The following CHCHD3 variants were observed in gnomAD, a reference collection of about 807,000 sequenced individuals.
CHCHD3 encodes the protein MICOS complex subunit MIC19.
In CHCHD3, 20 loss-of-function variants were observed where a neutral mutation model predicts 38.2. The ratio of observed to expected loss-of-function variants is 0.52; its 90% CI spans 0.37 to 0.76. The LOEUF (loss-of-function observed/expected upper bound fraction) is 0.76. Among genes scored for constraint, CHCHD3 ranks in the 30% least tolerant of loss-of-function variants. The pLI is 0.00. For synonymous variants in CHCHD3, 82 were observed against 100.0 expected, an observed-to-expected ratio of 0.82 and a Z score of 1.07; for missense variants, 245 against 279.2, an observed-to-expected ratio of 0.88 and a Z score of 0.87.
chr7:132,860,862 G>A (rs1256711802), intron 5 of CHCHD3, among the ~76,000 whole-genome samples: 1 of 152,164 alleles, frequency 6.6e-6, no homozygotes, highest in Non-Finnish European at 1.5e-5. Context: ...GACCTCAAGT[G>A]ATCCACCCGC....
intron 4 of CHCHD3, among the ~76,000 whole-genome samples, chr7:132,921,653 AC>A (rs1810266684): frequency 1.3e-5 from 2 of 152,060 alleles, no homozygotes; most frequent in Admixed American, 6.6e-5. Context: ...AACAACAACA[AC>A]AACAAAACAC....
chr7:132,957,636 G>A lies in CHCHD3; in HGVS notation c.369+17533C>T, dbSNP rs182229392. Among the ~76,000 whole-genome samples the A allele has an allele frequency of 4.1e-3, 624 of 151,996 alleles. 2 individuals are homozygous for A. Among genetic ancestry groups the A allele is most frequent in the African/African-American group, 0.014 (583 of 41,450 alleles). On this transcript the variant is annotated intron_variant, in intron 4 of 7. Coordinates refer to ENST00000262570, the MANE Select transcript of CHCHD3 (RefSeq NM_017812.4). ...AGCTGGGATTACAGGCTGCGCCACC[G>A]CACCTGGCTAATTTTTGTATTTTTA...
At chr7:132,837,516 A>G (rs778159253) in intron 6 of CHCHD3, among the ~76,000 whole-genome samples, 1 of 152,208 alleles carries the variant, frequency 6.6e-6, no homozygotes, top group Non-Finnish European at 1.5e-5. Flanking sequence ...TTTTTAAAAA[A>G]TTTTATTTTA....
At chr7:132,887,418 C>T (rs555540082) in intron 4 of CHCHD3, among the ~76,000 whole-genome samples, 180 of 151,104 alleles carry the variant, frequency 1.2e-3, no homozygotes, top group Non-Finnish European at 1.7e-3. Context: ...TTAAATTCAA[C>T]ATAAAAACCC....
intron 4 of CHCHD3, among the ~76,000 whole-genome samples, chr7:132,966,082 T>C (rs983894065): frequency 7.9e-5 from 12 of 152,336 alleles, no homozygotes; most frequent in African/African-American, 2.9e-4. Flanking sequence ...CAATGTAGCT[T>C]ACCTCGAATT....
At chr7:132,808,318 C>T (rs536374432) in intron 6 of CHCHD3, among the ~76,000 whole-genome samples, 17 of 152,274 alleles carry the variant, frequency 1.1e-4, no homozygotes, top group Middle Eastern at 3.4e-3. Flanking sequence ...TCTCTCCCCA[C>T]CTGCTTTCCA....
At chr7:132,933,847 C>T (rs1585651748) in intron 4 of CHCHD3, among the ~76,000 whole-genome samples, 1 of 152,192 alleles carries the variant, frequency 6.6e-6, no homozygotes, top group South Asian at 2.1e-4. Context: ...GACACACATA[C>T]AGGACCAGAG....
intron 2 of CHCHD3, among the ~76,000 whole-genome samples, chr7:133,069,565 A>G (rs1025172160): frequency 6.6e-6 from 1 of 152,190 alleles, no homozygotes; most frequent in African/African-American, 2.4e-5. Flanking sequence ...GGATAAACAG[A>G]TGAGTGTGGC....
chr7:132,915,948 TA>T (rs11455993), intron 4 of CHCHD3, among the ~76,000 whole-genome samples: 7 of 150,558 alleles, frequency 4.6e-5, no homozygotes, highest in Admixed American at 6.6e-5. Context: ...AATTTTTTAA[TA>T]AAAAAATTTT....
chr7:132,931,793 G>A (rs755862631), intron 4 of CHCHD3, among the ~76,000 whole-genome samples: 1 of 152,090 alleles, frequency 6.6e-6, no homozygotes, highest in Non-Finnish European at 1.5e-5. Flanking sequence ...AGTTCTGTAG[G>A]AAGAATGGGT....
intron 5 of CHCHD3, among the ~76,000 whole-genome samples, chr7:132,847,068 C>A (rs998355796): frequency 6.6e-6 from 1 of 152,146 alleles, no homozygotes; most frequent in African/African-American, 2.4e-5. Flanking sequence ...TCCCTTGTAG[C>A]CACCCCGAGC....
chr7:133,060,465 T>G (rs9641946), intron 2 of CHCHD3, among the ~76,000 whole-genome samples: 70,387 of 151,998 alleles, frequency 0.46, 17,212 homozygotes, highest in African/African-American at 0.62. Flanking sequence ...TGGGTGTCAT[T>G]AAAAGTTTCC....
At chr7:132,833,008 A>T (rs187193631) in intron 6 of CHCHD3, among the ~76,000 whole-genome samples, 57 of 152,364 alleles carry the variant, frequency 3.7e-4, no homozygotes, top group African/African-American at 1.3e-3. Flanking sequence ...CTCCGATAGC[A>T]CATAGTTTCA....
At chr7:132,895,920 T>A (rs939248072) in intron 4 of CHCHD3, among the ~76,000 whole-genome samples, 4 of 152,246 alleles carry the variant, frequency 2.6e-5, no homozygotes, top group African/African-American at 7.2e-5. Context: ...CAGGTGAAAC[T>A]TTCTTGCAAA....
At chr7:132,884,839 G>GT (rs1473737728) in intron 5 of CHCHD3, among the ~76,000 whole-genome samples, 3 of 152,056 alleles carry the variant, frequency 2.0e-5, no homozygotes, top group African/African-American at 4.8e-5. Flanking sequence ...ACTTGACGCC[G>GT]TATCTCTTTT....
intron 3 of CHCHD3, among the ~76,000 whole-genome samples, chr7:132,983,593 C>T (rs774228068): frequency 8.5e-5 from 13 of 152,132 alleles, no homozygotes; most frequent in Admixed American, 7.9e-4. Flanking sequence ...TTGCATACTG[C>T]AGTAAAAAGT....
At chr7:132,973,436 C>T (rs1471529736) in intron 4 of CHCHD3, 2 of 985,410 alleles carry the variant, frequency 2.0e-6, no homozygotes, top group East Asian at 1.1e-4. Flanking sequence ...AGACGTACAA[C>T]AAATTTAATT....
At chr7:132,828,452 T>C (rs1807562607) in intron 6 of CHCHD3, among the ~76,000 whole-genome samples, 1 of 152,210 alleles carries the variant, frequency 6.6e-6, no homozygotes. Context: ...TGTCTTAAGA[T>C]GGGCAGAATT....
At chr7:132,984,793 C>T (rs1404967942) in intron 3 of CHCHD3, among the ~76,000 whole-genome samples, 1 of 144,062 alleles carries the variant, frequency 6.9e-6, no homozygotes, top group Non-Finnish European at 1.5e-5. Flanking sequence ...CCGGCAGCCA[C>T]TCCGTCTGGG....
Sources: gnomAD v4.1 joint callset for allele counts (sites outside exome capture counted in the v4.1 genomes callset) on GRCh38, gnomAD v4.1.1 for gene constraint, MANE v1.5 for transcripts, NCBI Gene and HGNC (gene_info 2026-07-23, HGNC 2026-07-21) for gene names.